TTC29: variants seen among roughly 807,000 people sequenced by gnomAD.
TTC29 encodes tetratricopeptide repeat protein 29.
Under a neutral mutation model 58.1 loss-of-function variants are expected in TTC29, and 49 were observed. That is an observed-to-expected ratio of 0.84 (90% CI 0.67 to 1.07). The LOEUF is 1.07. Ranked by LOEUF, TTC29 falls within the 50% of genes least tolerant of loss-of-function variation. The pLI is 0.00. For synonymous variants in TTC29, 209 were observed against 196.8 expected, an observed-to-expected ratio of 1.06 and a Z score of -0.52; for missense variants, 582 against 555.6, an observed-to-expected ratio of 1.05 and a Z score of -0.48.
Position 146,907,589 on chromosome 4 carries a change from C to G in TTC29, c.400+1437G>C, listed in dbSNP as rs1382456341. On this transcript the variant is annotated intron_variant, in intron 5 of 12. Transcript: ENST00000325106. ...TCTCAGCTCACTGCAACTTTTGTCT[C>G]TCGGGTTCAAGCAATTCCCTGCCTC... Among the ~76,000 whole-genome samples the G allele has an allele frequency of 2.0e-5, 3 of 152,168 alleles. 1 individual carries two copies. The highest frequency in any genetic ancestry group is 4.4e-5 in the Non-Finnish European group (3 of 68,030).
chr4:146,892,455 C>T (rs1004877467), intron 6 of TTC29, among the ~76,000 whole-genome samples: 33 of 152,184 alleles, frequency 2.2e-4, no homozygotes, highest in South Asian at 2.1e-4. Flanking sequence ...TCAATAGATG[C>T]AGAAAAGGCC....
chr4:146,770,952 A>G (rs988930589), intron 11 of TTC29, among the ~76,000 whole-genome samples: 3 of 152,128 alleles, frequency 2.0e-5, no homozygotes, highest in Non-Finnish European at 2.9e-5. Flanking sequence ...TGCTTAGCAT[A>G]GGGCCTAACA....
At chr4:146,765,821 A>G (rs1470110214) in intron 11 of TTC29, among the ~76,000 whole-genome samples, 2 of 152,078 alleles carry the variant, frequency 1.3e-5, no homozygotes, top group South Asian at 2.1e-4. Context: ...TTTTAAAGGA[A>G]CTTGGTCTGG....
intron 10 of TTC29, among the ~76,000 whole-genome samples, chr4:146,806,886 A>C (rs1261656186): frequency 6.6e-6 from 1 of 152,218 alleles, no homozygotes; most frequent in Non-Finnish European, 1.5e-5. Flanking sequence ...GACCAAGCAG[A>C]CCTAATAGAC....
chr4:146,797,903 C>T (rs1350004692), intron 11 of TTC29, among the ~76,000 whole-genome samples: 2 of 147,830 alleles, frequency 1.4e-5, no homozygotes, highest in Non-Finnish European at 1.5e-5. Context: ...GCCTCCAATT[C>T]AATCATATAT....
At chr4:146,813,604 G>A (rs1455688393) in intron 10 of TTC29, among the ~76,000 whole-genome samples, 1 of 152,038 alleles carries the variant, frequency 6.6e-6, no homozygotes, top group East Asian at 1.9e-4. Context: ...ACAATACCTT[G>A]CAGGAGTAAT....
At chr4:146,728,816 T>TATATATAC (rs1561066476) in intron 11 of TTC29, among the ~76,000 whole-genome samples, 4 of 46,072 alleles carry the variant, frequency 8.7e-5, no homozygotes, top group African/African-American at 1.6e-4. Flanking sequence ...CATATATATG[T>TATATATAC]GTATATATAC....
At chr4:146,750,350 A>G (rs1293422766) in intron 11 of TTC29, among the ~76,000 whole-genome samples, 2 of 152,220 alleles carry the variant, frequency 1.3e-5, no homozygotes, top group Non-Finnish European at 2.9e-5. Context: ...TTCATGCCGA[A>G]AGGAAAATAT....
At chr4:146,930,084 C>CATATATATATATATATATATATAT (rs70958534) in intron 4 of TTC29, among the ~76,000 whole-genome samples, 1 of 77,462 alleles carries the variant, frequency 1.3e-5, no homozygotes, top group Non-Finnish European at 2.4e-5. Context: ...TGTGTGTGTG[C>CATATATATATATATATATATATAT]ATATATATAT....
intron 11 of TTC29, among the ~76,000 whole-genome samples, chr4:146,723,997 G>A (rs1289554267): frequency 6.6e-6 from 1 of 152,144 alleles, no homozygotes; most frequent in African/African-American, 2.4e-5. Flanking sequence ...ATGGTGGACC[G>A]AATAAAGAAA....
intron 4 of TTC29, among the ~76,000 whole-genome samples, chr4:146,932,567 A>G (rs1216396572): frequency 6.6e-6 from 1 of 152,204 alleles, no homozygotes; most frequent in Non-Finnish European, 1.5e-5. Context: ...GTGCCAGGGC[A>G]TTGTGCAAAT....
chr4:146,838,908 G>C (rs2150165684), intron 8 of TTC29, among the ~76,000 whole-genome samples: 1 of 152,002 alleles, frequency 6.6e-6, no homozygotes, highest in East Asian at 1.9e-4. Context: ...ACTTTAACAA[G>C]TGAAATTTTA....
At chr4:146,859,845 G>A (rs1402302962) in intron 8 of TTC29, among the ~76,000 whole-genome samples, 2 of 152,128 alleles carry the variant, frequency 1.3e-5, no homozygotes, top group Non-Finnish European at 2.9e-5. Flanking sequence ...GGTGCTGTGA[G>A]TTAAGATCAT....
At chr4:146,936,480 C>T (rs1025703265) in intron 4 of TTC29, among the ~76,000 whole-genome samples, 1 of 151,918 alleles carries the variant, frequency 6.6e-6, no homozygotes, top group African/African-American at 2.4e-5. Context: ...CAATATTGGC[C>T]TTAAATTTTA....
intron 11 of TTC29, among the ~76,000 whole-genome samples, chr4:146,786,888 G>T (rs1041205802): frequency 6.6e-6 from 1 of 152,084 alleles, no homozygotes; most frequent in Non-Finnish European, 1.5e-5. Flanking sequence ...CAAGGCAGGA[G>T]GATTGCTTGA....
chr4:146,818,216 T>C (rs978414169), intron 10 of TTC29, among the ~76,000 whole-genome samples: 11 of 151,948 alleles, frequency 7.2e-5, no homozygotes, highest in South Asian at 2.1e-4. Context: ...GAATCTACAA[T>C]GAACTCAAAC....
chr4:146,881,518 A>C (rs1000793093), intron 6 of TTC29, among the ~76,000 whole-genome samples: 5 of 152,164 alleles, frequency 3.3e-5, no homozygotes, highest in African/African-American at 4.8e-5. Flanking sequence ...ATTCTGTACA[A>C]CATAGAGATA....
chr4:146,900,292 T>C (rs138012268), intron 6 of TTC29, among the ~76,000 whole-genome samples: 2 of 152,296 alleles, frequency 1.3e-5, no homozygotes, highest in African/African-American at 2.4e-5. Flanking sequence ...CTGACAAAAG[T>C]AGTTCCAAAA....
intron 11 of TTC29, among the ~76,000 whole-genome samples, chr4:146,757,127 G>T (rs1386184832): frequency 6.6e-6 from 1 of 151,970 alleles, no homozygotes; most frequent in East Asian, 1.9e-4. Context: ...TATTATCAGG[G>T]TTGTTTTTCT....
Sources: allele counts gnomAD v4.1 joint callset (sites outside exome capture counted in the v4.1 genomes callset), GRCh38; gene constraint gnomAD v4.1.1; transcripts MANE v1.5; gene names NCBI Gene and HGNC (gene_info 2026-07-23, HGNC 2026-07-21).